ACTR3C: variants seen among roughly 807,000 people sequenced by gnomAD.
The protein encoded by ACTR3C is actin-related protein 3C.
Under a neutral mutation model 26.3 loss-of-function variants are expected in ACTR3C, and 18 were observed. The observed-to-expected ratio is 0.68, with a 90% CI of 0.47 to 1.01. ACTR3C has a LOEUF of 1.01. Ranked by LOEUF, ACTR3C falls within the 50% of genes least tolerant of loss-of-function variation. The pLI, the probability that ACTR3C is intolerant of heterozygous loss-of-function variation, is 0.00. For synonymous variants in ACTR3C, 55 were observed against 94.5 expected (o/e 0.58, Z 2.42); for missense variants, 184 against 250.7 (o/e 0.73, Z 1.80).
chr7:150,185,405 AT>A, the ACTR3C span, among the ~76,000 whole-genome samples: 1 of 152,172 alleles, frequency 6.6e-6, no homozygotes, highest in East Asian at 1.9e-4. Flanking sequence ...TTACTGCTTT[AT>A]GACTTGATTA....
the ACTR3C span, among the ~76,000 whole-genome samples, chr7:150,087,182 T>TAAA: frequency 5.0e-3 from 651 of 129,360 alleles, 2 homozygotes; most frequent in African/African-American, 0.018. Flanking sequence ...TGAATTTGTT[T>TAAA]AAAAAAAAAA....
At chr7:150,251,941 G>T (rs1427576737) in intron 6 of ACTR3C, among the ~76,000 whole-genome samples, 1 of 152,124 alleles carries the variant, frequency 6.6e-6, no homozygotes, top group East Asian at 1.9e-4. Flanking sequence ...TAGGCTCTAA[G>T]AAACCTAACC....
chr7:150,088,451 A>G, the ACTR3C span, among the ~76,000 whole-genome samples: 1 of 152,206 alleles, frequency 6.6e-6, no homozygotes, highest in African/African-American at 2.4e-5. Context: ...GAAAGACAGC[A>G]AAAAGGAATT....
chr7:150,087,504 G>A, the ACTR3C span, among the ~76,000 whole-genome samples: 1 of 152,200 alleles, frequency 6.6e-6, no homozygotes, highest in African/African-American at 2.4e-5. Context: ...GAGGTGAAGG[G>A]GGAAGCATGA....
At chr7:150,194,139 C>A in the ACTR3C span, among the ~76,000 whole-genome samples, 2 of 149,326 alleles carry the variant, frequency 1.3e-5, no homozygotes, top group East Asian at 1.9e-4. Context: ...TCGTTAGGTG[C>A]ACGCATACAT....
chr7:150,039,295 G>T, the ACTR3C span, among the ~76,000 whole-genome samples: 2 of 150,632 alleles, frequency 1.3e-5, no homozygotes, highest in African/African-American at 5.0e-5. Flanking sequence ...CTCCTGCGAT[G>T]GGGGTACCAA....
chr7:150,255,630 C>T (rs1046541974), intron 6 of ACTR3C, among the ~76,000 whole-genome samples: 17 of 152,190 alleles, frequency 1.1e-4, no homozygotes, highest in African/African-American at 3.9e-4. Flanking sequence ...CATATGCAGA[C>T]TCTTGCTAGT....
At chr7:150,131,052 G>A in the ACTR3C span, among the ~76,000 whole-genome samples, 3 of 152,150 alleles carry the variant, frequency 2.0e-5, no homozygotes, top group Non-Finnish European at 1.5e-5. Flanking sequence ...TATCATAATC[G>A]TGCTTACATG....
the ACTR3C span, among the ~76,000 whole-genome samples, chr7:150,167,947 A>C: frequency 6.6e-6 from 1 of 150,868 alleles, no homozygotes; most frequent in Non-Finnish European, 1.5e-5. Flanking sequence ...TTCCATAAAA[A>C]ATATATATAT....
At chr7:150,121,271 G>T in the ACTR3C span, among the ~76,000 whole-genome samples, 1 of 152,192 alleles carries the variant, frequency 6.6e-6, no homozygotes, top group Non-Finnish European at 1.5e-5. Flanking sequence ...ATTCAATTAG[G>T]AAGAGAGGAA....
At chr7:149,994,550 C>T in the ACTR3C span, among the ~76,000 whole-genome samples, 1 of 151,990 alleles carries the variant, frequency 6.6e-6, no homozygotes, top group Non-Finnish European at 1.5e-5. Flanking sequence ...TGAGCCGAGA[C>T]TGTGCCATTC....
the ACTR3C span, among the ~76,000 whole-genome samples, chr7:149,913,038 A>AT: frequency 6.6e-6 from 1 of 152,222 alleles, no homozygotes; most frequent in African/African-American, 2.4e-5. Flanking sequence ...AGACATTCAA[A>AT]TTTAAAATTT....
chr7:149,944,000 G>C, the ACTR3C span, among the ~76,000 whole-genome samples: 1 of 140,858 alleles, frequency 7.1e-6, no homozygotes, highest in Admixed American at 6.8e-5. Flanking sequence ...ACGTAACAGG[G>C]AGTTTATCTG....
At chr7:149,910,282 A>C in the ACTR3C span, among the ~76,000 whole-genome samples, 5 of 152,116 alleles carry the variant, frequency 3.3e-5, no homozygotes, top group South Asian at 1.0e-3. Flanking sequence ...TATGTCTAAG[A>C]AACAGCTACT....
chr7:150,265,591 G>A (rs1833976452), intron 6 of ACTR3C, among the ~76,000 whole-genome samples: 1 of 152,136 alleles, frequency 6.6e-6, no homozygotes. Flanking sequence ...CTACTCAGGA[G>A]GCTGAGGCAG....
chr7:150,309,729 C>T (rs1406042211), intron 1 of ACTR3C, among the ~76,000 whole-genome samples: 1 of 152,192 alleles, frequency 6.6e-6, no homozygotes, highest in Non-Finnish European at 1.5e-5. Flanking sequence ...TCGGACTGTC[C>T]AACTAATATC....
At chr7:150,067,684 A>T in the ACTR3C span, among the ~76,000 whole-genome samples, 1 of 148,406 alleles carries the variant, frequency 6.7e-6, no homozygotes, top group Non-Finnish European at 1.5e-5. Context: ...CTACAGGTGT[A>T]TAAAGCCACC....
chr7:149,961,085 T>C, the ACTR3C span, among the ~76,000 whole-genome samples: 2 of 150,746 alleles, frequency 1.3e-5, no homozygotes, highest in African/African-American at 2.4e-5. Context: ...AGAAAGTGTA[T>C]ACTCACAGGA....
At chr7:150,233,271 G>T in the ACTR3C span, among the ~76,000 whole-genome samples, 1 of 150,510 alleles carries the variant, frequency 6.6e-6, no homozygotes, top group Non-Finnish European at 1.5e-5. Context: ...CTGTGTTTCT[G>T]ATGGGAAGTC....
Sources: allele counts gnomAD v4.1 joint callset (sites outside exome capture counted in the v4.1 genomes callset), GRCh38; gene constraint gnomAD v4.1.1; transcripts MANE v1.5; gene names NCBI Gene and HGNC (gene_info 2026-07-23, HGNC 2026-07-21).